DAAM1: variants seen among roughly 807,000 people sequenced by gnomAD.
The protein encoded by DAAM1 is dishevelled associated activator of morphogenesis 1.
Under a neutral mutation model 130.0 loss-of-function variants are expected in DAAM1, and 52 were observed. The observed-to-expected ratio is 0.40, with a 90% CI of 0.32 to 0.50. The LOEUF is 0.50. DAAM1 is among the 20% of genes least tolerant of loss of function. The pLI is 0.61. For synonymous variants in DAAM1, 452 were observed against 444.5 expected (o/e 1.02, Z -0.21); for missense variants, 1,134 against 1,303.8 (o/e 0.87, Z 2.01).
intron 2 of DAAM1, among the ~76,000 whole-genome samples, chr14:59,279,660 AT>A (rs909722734): frequency 6.6e-6 from 1 of 151,706 alleles, no homozygotes; most frequent in Non-Finnish European, 1.5e-5. Context: ...AAACCATACA[AT>A]TTTTTTTTAC....
intron 1 of DAAM1, among the ~76,000 whole-genome samples, chr14:59,198,667 T>C (rs1887992687): frequency 6.6e-6 from 1 of 152,208 alleles, no homozygotes; most frequent in Non-Finnish European, 1.5e-5. Context: ...GGGTGACTTT[T>C]CTAATGAGGA....
At chr14:59,264,103 C>T (rs886140914) in intron 2 of DAAM1, 2 of 201,788 alleles carry the variant, frequency 9.9e-6, no homozygotes, top group Non-Finnish European at 2.1e-5. Context: ...TCATACTTTC[C>T]ATCCTGTCAT....
At chr14:59,354,352 G>A (rs535844443) in intron 19 of DAAM1, among the ~76,000 whole-genome samples, 21 of 152,238 alleles carry the variant, frequency 1.4e-4, no homozygotes, top group East Asian at 3.9e-4. Context: ...GAGCCACTGC[G>A]CCTGGCCTGG....
At chr14:59,288,871 G>C (rs1031722282) in intron 2 of DAAM1, among the ~76,000 whole-genome samples, 1 of 151,650 alleles carries the variant, frequency 6.6e-6, no homozygotes, top group African/African-American at 2.4e-5. Context: ...GCGCGCGAAG[G>C]GGGCAGTACC....
chr14:59,320,366 A>G (rs1884959271), intron 4 of DAAM1, 124 bp from the exon 5 acceptor site: 1 of 752,696 alleles, frequency 1.3e-6, no homozygotes. Flanking sequence ...GACTTAACTT[A>G]CTTAATCATA....
At chr14:59,346,088 T>G (rs1886067994) in intron 16 of DAAM1, among the ~76,000 whole-genome samples, 1 of 143,476 alleles carries the variant, frequency 7.0e-6, no homozygotes, top group South Asian at 2.5e-4. Context: ...TTACGTGCAT[T>G]CATTTGCTTA....
chr14:59,270,343 A>C (rs1485287086), intron 2 of DAAM1, among the ~76,000 whole-genome samples: 1 of 152,228 alleles, frequency 6.6e-6, no homozygotes, highest in Admixed American at 6.5e-5. Flanking sequence ...AAAAGTCTGC[A>C]TGTGCAGAGA....
intron 12 of DAAM1, among the ~76,000 whole-genome samples, chr14:59,330,169 A>T (rs1885369155): frequency 6.6e-6 from 1 of 152,220 alleles, no homozygotes; most frequent in Non-Finnish European, 1.5e-5. Flanking sequence ...GGACCATTTT[A>T]ATGACAAGAT....
At chr14:59,198,855 T>C (rs1473172092) in intron 1 of DAAM1, among the ~76,000 whole-genome samples, 3 of 152,254 alleles carry the variant, frequency 2.0e-5, no homozygotes, top group Non-Finnish European at 2.9e-5. Flanking sequence ...TGGGTAATCG[T>C]GGCAATTCCT....
chr14:59,361,411 G>C (rs1886700517), intron 22 of DAAM1, among the ~76,000 whole-genome samples: 1 of 152,210 alleles, frequency 6.6e-6, no homozygotes, highest in African/African-American at 2.4e-5. Context: ...TAAGCAGAGT[G>C]ATTACGGAGG....
intron 3 of DAAM1, among the ~76,000 whole-genome samples, chr14:59,311,663 C>T (rs1884601599): frequency 1.3e-5 from 2 of 151,760 alleles, no homozygotes; most frequent in Admixed American, 6.6e-5. Context: ...CATATTTTTC[C>T]CTACAGATGG....
intron 1 of DAAM1, among the ~76,000 whole-genome samples, chr14:59,199,344 C>T (rs896286458): frequency 3.3e-5 from 5 of 152,086 alleles, no homozygotes; most frequent in African/African-American, 9.7e-5. Context: ...GCAATCCTCC[C>T]GCCTCAGCCT....
At chr14:59,254,097 C>T (rs998789457) in intron 1 of DAAM1, among the ~76,000 whole-genome samples, 1 of 152,136 alleles carries the variant, frequency 6.6e-6, no homozygotes, top group African/African-American at 2.4e-5. Context: ...GCCTTAAATA[C>T]CAAAAGTGTG....
At chr14:59,238,038 A>G (rs573864470) in intron 1 of DAAM1, among the ~76,000 whole-genome samples, 2 of 152,206 alleles carry the variant, frequency 1.3e-5, no homozygotes, top group Non-Finnish European at 2.9e-5. Flanking sequence ...GGCTCAGGTC[A>G]TGGTAAAATG....
intron 1 of DAAM1, among the ~76,000 whole-genome samples, chr14:59,219,995 T>A (rs541230711): frequency 1.3e-5 from 2 of 152,350 alleles, no homozygotes; most frequent in Admixed American, 1.3e-4. Flanking sequence ...GCTATGGATG[T>A]AGCTATTGGT....
At chr14:59,353,839 T>C (rs1287705224) in intron 18 of DAAM1, 37 bp from the exon 19 acceptor site, 2 of 1,597,522 alleles carry the variant, frequency 1.3e-6, no homozygotes, top group Non-Finnish European at 8.6e-7. Context: ...CTAGATATAT[T>C]AAATGAATAT....
intron 1 of DAAM1, among the ~76,000 whole-genome samples, chr14:59,231,208 A>G (rs1173124667): frequency 6.6e-6 from 1 of 152,220 alleles, no homozygotes; most frequent in Non-Finnish European, 1.5e-5. Flanking sequence ...TCATAATTGC[A>G]TATATTTATG....
At chr14:59,289,784 A>ATATATATATATACACACATATAT in intron 2 of DAAM1, among the ~76,000 whole-genome samples, 1 of 128,714 alleles carries the variant, frequency 7.8e-6, no homozygotes, top group African/African-American at 2.9e-5. Flanking sequence ...ATATATATAT[A>ATATATATATATACACACATATAT]ATGGAATGCT....
intron 1 of DAAM1, among the ~76,000 whole-genome samples, chr14:59,214,673 G>A (rs1288020561): frequency 1.3e-5 from 2 of 152,148 alleles, no homozygotes; most frequent in African/African-American, 2.4e-5. Flanking sequence ...GTCATGGCAT[G>A]TATTGGTACT....
Sources: gnomAD v4.1 joint callset for allele counts (sites outside exome capture counted in the v4.1 genomes callset) on GRCh38, gnomAD v4.1.1 for gene constraint, MANE v1.5 for transcripts, NCBI Gene and HGNC (gene_info 2026-07-23, HGNC 2026-07-21) for gene names.